LEMD1: variants seen among roughly 807,000 people sequenced by gnomAD.
LEMD1 encodes the protein LEM domain containing 1, also known as LEM domain-containing protein 1.
In LEMD1, 18 loss-of-function variants were observed where a neutral mutation model predicts 17.4. The ratio of observed to expected loss-of-function variants is 1.04; its 90% CI spans 0.72 to 1.54. LEMD1 has a LOEUF of 1.54. LEMD1 is among the 40% of genes most tolerant of loss of function. LEMD1 has a pLI of 0.00. For missense variants in LEMD1, 195 were observed against 210.4 expected (o/e 0.93, Z 0.45); for synonymous variants, 88 against 77.8 (o/e 1.13, Z -0.69).
At position 205,420,584 on chromosome 1, in the gene LEMD1, A is replaced by G. The variant is rs1665917296; in HGVS notation, c.-38-10T>C. The stretch of plus-strand genomic sequence containing the variant: ...TTCTGATGGTAGAATCCTTGAAATA[A>G]CAAAACATTAAATTCATTAAGACAG... On this transcript the variant is annotated splice_polypyrimidine_tract_variant and intron_variant, in intron 1 of 5. Coordinates refer to ENST00000367153, the MANE Select transcript of LEMD1 (RefSeq NM_001199050.2). 7.4e-7 allele frequency: 1 copy of G among 1,357,590 alleles called. No individual in the cohort carries two copies. Among genetic ancestry groups the G allele is most frequent in the Non-Finnish European group, 1.1e-6 (1 of 947,054 alleles). The allele number at this position is 1,357,590 out of a possible 1,614,324, so 84.1% of individuals were successfully genotyped here.
intron 4 of LEMD1, among the ~76,000 whole-genome samples, chr1:205,414,420 CAAA>C: frequency 7.1e-6 from 1 of 140,454 alleles, no homozygotes; most frequent in Non-Finnish European, 1.6e-5. Context: ...CCTGTCTCTA[CAAA>C]AAAAAAAAAA....
At chr1:205,382,325 G>A (rs1663749661) in intron 5 of LEMD1, among the ~76,000 whole-genome samples, 1 of 151,824 alleles carries the variant, frequency 6.6e-6, no homozygotes, top group South Asian at 2.1e-4. Context: ...GCTGAGATGG[G>A]AGAATCAGTT....
rs554216150 is a variant in LEMD1, at chr1:205,398,570, G to T, written c.271-14206C>A. Among the ~76,000 whole-genome samples, 13 of 152,264 alleles carry T rather than the reference G, an allele frequency of 8.5e-5. No individual in the cohort carries two copies. In the East Asian group the frequency reaches 2.3e-3, roughly 27 times the overall value. ...TGAAGTTTTCCTTCCCTTCCTTATC[G>T]TCCCCTGGGGTGTCAGTATGCTCTA... On this transcript the variant is annotated intron_variant, in intron 4 of 5. Coordinates refer to ENST00000367153, the MANE Select transcript of LEMD1 (RefSeq NM_001199050.2).
intron 4 of LEMD1, 72 bp from the exon 5 acceptor site, chr1:205,384,436 T>G: frequency 9.7e-7 from 1 of 1,026,630 alleles, no homozygotes; most frequent in Non-Finnish European, 1.3e-6. Flanking sequence ...TGGTTTTTAT[T>G]CTAGAAAAAG....
At chr1:205,405,760 TGGA>T (rs1307628724) in intron 4 of LEMD1, among the ~76,000 whole-genome samples, 1 of 151,086 alleles carries the variant, frequency 6.6e-6, no homozygotes, top group Non-Finnish European at 1.5e-5. Flanking sequence ...TGCGTTCCTT[TGGA>T]GGAGGAGAGG....
chr1:205,443,063 G>A (rs78598433), intron 1 of LEMD1, among the ~76,000 whole-genome samples: 1,846 of 152,280 alleles, frequency 0.012, 37 homozygotes, highest in African/African-American at 0.042. Context: ...GAGGGCAGGT[G>A]GATTCCCGTG....
intron 4 of LEMD1, among the ~76,000 whole-genome samples, chr1:205,391,583 C>T (rs578143066): frequency 6.6e-6 from 1 of 152,306 alleles, no homozygotes; most frequent in African/African-American, 2.4e-5. Context: ...CCTGGACTTT[C>T]ACCTCCATGT....
intron 1 of LEMD1, among the ~76,000 whole-genome samples, chr1:205,427,489 G>GAC (rs1426625499): frequency 1.3e-5 from 2 of 149,422 alleles, no homozygotes; most frequent in South Asian, 4.2e-4. Context: ...ACATTTGAGA[G>GAC]AGAGAGAGAG....
At chr1:205,398,037 T>C (rs2102375865) in intron 4 of LEMD1, among the ~76,000 whole-genome samples, 1 of 152,326 alleles carries the variant, frequency 6.6e-6, no homozygotes, top group East Asian at 1.9e-4. Context: ...ATTTCATCAA[T>C]AAGATCAAGA....
At chr1:205,402,992 C>T (rs979037191) in intron 4 of LEMD1, among the ~76,000 whole-genome samples, 39 of 151,564 alleles carry the variant, frequency 2.6e-4, no homozygotes, top group Non-Finnish European at 4.0e-4. Flanking sequence ...TGTTTATATG[C>T]TGGATTACAT....
Position 205,420,594 on chromosome 1 carries a change from A to G in LEMD1, c.-38-20T>C. 7.8e-7 allele frequency: 1 copy of G among 1,281,914 alleles called. No individual in the cohort carries two copies. The highest frequency in any genetic ancestry group is 1.9e-4 in the Middle Eastern group (1 of 5,400). 79.4% of individuals were successfully genotyped at this position (1,281,914 alleles called of 1,614,324 possible). A position where few individuals can be genotyped will look rare whatever the true frequency, so the allele number is the denominator to read the frequency against. ...AGAATCCTTGAAATAACAAAACATT[A>G]AATTCATTAAGACAGCCTTACCAAT... On this transcript the variant is annotated intron_variant, in intron 1 of 5. Transcript: ENST00000367153.
At chr1:205,392,353 C>T (rs926104661) in intron 4 of LEMD1, among the ~76,000 whole-genome samples, 79 of 150,006 alleles carry the variant, frequency 5.3e-4, no homozygotes, top group African/African-American at 1.8e-3. Flanking sequence ...GCCTGCGCAG[C>T]AAAGCAAGAT....
At chr1:205,387,251 C>T (rs1664076122) in intron 4 of LEMD1, 1 of 151,980 alleles carries the variant, frequency 6.6e-6, no homozygotes, top group Non-Finnish European at 1.5e-5. Flanking sequence ...GCCTATCTAC[C>T]TGACTGTGCA....
chr1:205,424,337 C>A (rs1057199761), upstream of LEMD1, among the ~76,000 whole-genome samples: 1 of 152,090 alleles, frequency 6.6e-6, no homozygotes, highest in Admixed American at 6.6e-5. Flanking sequence ...TACTGCTGAC[C>A]GGAGGGAAAA....
At chr1:205,407,743 G>C (rs1665186876) in intron 4 of LEMD1, among the ~76,000 whole-genome samples, 3 of 152,176 alleles carry the variant, frequency 2.0e-5, no homozygotes, top group African/African-American at 2.4e-5. Context: ...TTAGAAGTAT[G>C]GGAGACCCAG....
At chr1:205,410,056 G>A (rs61824224) in intron 4 of LEMD1, among the ~76,000 whole-genome samples, 10,300 of 151,990 alleles carry the variant, frequency 0.068, 460 homozygotes, top group Non-Finnish European at 0.1. Flanking sequence ...GATTACAGGC[G>A]TGAGCCACCG....
At chr1:205,413,053 A>G (rs148639521) in intron 4 of LEMD1, among the ~76,000 whole-genome samples, 1 of 152,344 alleles carries the variant, frequency 6.6e-6, no homozygotes, top group African/African-American at 2.4e-5. Flanking sequence ...AATTTGAACT[A>G]TGTTTAAACG....
intron 4 of LEMD1, among the ~76,000 whole-genome samples, chr1:205,408,327 G>A (rs1665219275): frequency 8.1e-6 from 1 of 122,868 alleles, no homozygotes; most frequent in East Asian, 2.0e-4. Context: ...CAATGGTAGG[G>A]TACACACACA....
intron 1 of LEMD1, chr1:205,440,601 G>A (rs1436081504): frequency 1.3e-5 from 2 of 152,306 alleles, no homozygotes; most frequent in Non-Finnish European, 2.9e-5. Flanking sequence ...AAGCTCTCAG[G>A]GCAGGAAAGA....
Sources: allele counts gnomAD v4.1 joint callset (sites outside exome capture counted in the v4.1 genomes callset), GRCh38; gene constraint gnomAD v4.1.1; transcripts MANE v1.5; gene names NCBI Gene and HGNC (gene_info 2026-07-23, HGNC 2026-07-21).